SOX6: variants seen among roughly 807,000 people sequenced by gnomAD.
SOX6 encodes SRY-box transcription factor 6.
Under a neutral mutation model 97.8 loss-of-function variants are expected in SOX6, and 11 were observed. The observed-to-expected ratio is 0.11, with a 90% CI of 0.07 to 0.19. SOX6 has a LOEUF of 0.19. SOX6 is among the 10% of genes least tolerant of loss of function. The probability of loss-of-function intolerance (pLI) is 1.00; values close to 1 mark genes in which losing one functional copy is unlikely to be tolerated. For synonymous variants in SOX6, 360 were observed against 371.4 expected (o/e 0.97, Z 0.35); for missense variants, 810 against 1,039.5 (o/e 0.78, Z 3.04).
intron 6 of SOX6, among the ~76,000 whole-genome samples, chr11:16,114,148 A>C (rs1479415593): frequency 1.3e-5 from 2 of 152,200 alleles, no homozygotes; most frequent in South Asian, 2.1e-4. Flanking sequence ...AGCCTTTCCA[A>C]CTTTATAATT....
intron 10 of SOX6, among the ~76,000 whole-genome samples, chr11:16,052,780 C>A (rs935157039): frequency 3.3e-5 from 5 of 152,100 alleles, no homozygotes; most frequent in African/African-American, 1.2e-4. Flanking sequence ...CATTTTTAGG[C>A]AAGGTCAGAA....
At chr11:16,569,794 G>A (rs905326741) in intron 4 of SOX6, among the ~76,000 whole-genome samples, 6 of 149,592 alleles carry the variant, frequency 4.0e-5, no homozygotes, top group Admixed American at 6.7e-5. Context: ...GTGTGAACCC[G>A]GGAGGTGGGG....
At position 15,972,114 on chromosome 11, in the gene SOX6, T is replaced by A. The variant is rs1355118719; in HGVS notation, c.*695A>T. ...AATATCTTGTCTCCAGATTCCTGAGTACCTTACCATTTTCTGGAAAAAAAA... is the reference window on the plus strand; with the variant it reads ...AATATCTTGTCTCCAGATTCCTGAGAACCTTACCATTTTCTGGAAAAAAAA... On this transcript the variant is annotated 3_prime_UTR_variant, in exon 16 of 16. Transcript: ENST00000683767. The A allele has an allele frequency of 6.5e-6, 1 of 152,884 alleles. No homozygotes were observed. The highest frequency in any genetic ancestry group is 2.4e-5 in the African/African-American group (1 of 41,444). The allele number at this position is 152,884 out of a possible 1,614,324, so 9.5% of individuals were successfully genotyped here.
intron 9 of SOX6, among the ~76,000 whole-genome samples, chr11:16,059,765 G>A (rs1039200441): frequency 1.3e-5 from 2 of 151,902 alleles, no homozygotes; most frequent in African/African-American, 4.8e-5. Flanking sequence ...GGCAAAATGA[G>A]GGGGGCATCT....
chr11:16,146,622 C>T (rs1850305581), intron 6 of SOX6, among the ~76,000 whole-genome samples: 1 of 152,054 alleles, frequency 6.6e-6, no homozygotes. Flanking sequence ...GGGCTAATAT[C>T]CAGAATCTAC....
At chr11:16,639,785 C>T (rs1384558063) in intron 3 of SOX6, among the ~76,000 whole-genome samples, 2 of 152,090 alleles carry the variant, frequency 1.3e-5, no homozygotes, top group Non-Finnish European at 2.9e-5. Context: ...GCTGAAGTTG[C>T]TTATCAGCTT....
At chr11:16,538,883 T>C (rs1476651361) in intron 4 of SOX6, among the ~76,000 whole-genome samples, 3 of 152,080 alleles carry the variant, frequency 2.0e-5, no homozygotes, top group Admixed American at 2.0e-4. Flanking sequence ...ATGGGAGACT[T>C]TAACACCCCA....
chr11:16,230,274 T>C (rs1852808615), intron 4 of SOX6, among the ~76,000 whole-genome samples: 1 of 151,040 alleles, frequency 6.6e-6, no homozygotes, highest in Non-Finnish European at 1.5e-5. Flanking sequence ...TACTTCTCTA[T>C]TACTTAATAT....
intron 3 of SOX6, among the ~76,000 whole-genome samples, chr11:16,271,515 T>C (rs1048627508): frequency 1.3e-5 from 2 of 151,466 alleles, no homozygotes; most frequent in South Asian, 4.1e-4. Flanking sequence ...AGTATTTCTG[T>C]GATAACTTTC....
intron 1 of SOX6, among the ~76,000 whole-genome samples, chr11:16,377,484 A>G (rs942043998): frequency 6.6e-6 from 1 of 152,164 alleles, no homozygotes; most frequent in South Asian, 2.1e-4. Flanking sequence ...TCAAATAGAC[A>G]TAGAAACTAC....
chr11:16,591,353 AGATAGAT>A (rs1848150781), intron 4 of SOX6, among the ~76,000 whole-genome samples: 1 of 47,128 alleles, frequency 2.1e-5, no homozygotes, highest in African/African-American at 7.8e-5. Context: ...ATAGATAGAC[AGATAGAT>A]AGATAGATAG....
chr11:16,250,183 A>T (rs1434655478), intron 3 of SOX6, among the ~76,000 whole-genome samples: 4 of 152,134 alleles, frequency 2.6e-5, no homozygotes, highest in Admixed American at 6.6e-5. Flanking sequence ...TGAGAACCTT[A>T]TTGTGAATGG....
intron 4 of SOX6, among the ~76,000 whole-genome samples, chr11:16,601,785 A>C (rs537676345): frequency 6.6e-6 from 1 of 152,262 alleles, no homozygotes; most frequent in South Asian, 2.1e-4. Context: ...TTCCTAAAAA[A>C]GGTCAAATAG....
rs151203801 is a variant in SOX6, at chr11:16,725,241, T to G, written n.354-10336A>C. On this transcript the variant is annotated intron_variant and non_coding_transcript_variant, in intron 2 of 5. Transcript: ENST00000524520. ...AAGTGAACCTTAAAAACATGCCAAG[T>G]GGCTGGGCGCAGTGGCTGATGCCCA... 3.8e-4 allele frequency among the ~76,000 whole-genome samples: 58 copies of G among 152,314 alleles called. No individual in the cohort carries two copies. In the East Asian group the frequency reaches 0.01, roughly 27 times the overall value.
chr11:16,240,315 T>TGTGTGG (rs1048756319), intron 3 of SOX6, among the ~76,000 whole-genome samples: 3 of 146,952 alleles, frequency 2.0e-5, no homozygotes, highest in African/African-American at 7.5e-5. Flanking sequence ...TGTGTGTGTG[T>TGTGTGG]GGCAGTGGAA....
At chr11:16,074,652 C>T (rs1848307686) in intron 9 of SOX6, among the ~76,000 whole-genome samples, 1 of 152,048 alleles carries the variant, frequency 6.6e-6, no homozygotes, top group East Asian at 1.9e-4. Context: ...TACAACTAAC[C>T]AGGGAGGGGG....
chr11:16,338,885 C>A (rs1856545198), intron 2 of SOX6, among the ~76,000 whole-genome samples: 1 of 151,690 alleles, frequency 6.6e-6, no homozygotes, highest in Non-Finnish European at 1.5e-5. Context: ...AATAACCCAC[C>A]AAAGTAACTT....
At chr11:16,653,422 C>G (rs1173358396) in intron 3 of SOX6, among the ~76,000 whole-genome samples, 1 of 152,084 alleles carries the variant, frequency 6.6e-6, no homozygotes, top group Non-Finnish European at 1.5e-5. Flanking sequence ...AAATATACAC[C>G]ATGGAATAAC....
At chr11:16,064,422 C>T (rs1303237624) in intron 9 of SOX6, among the ~76,000 whole-genome samples, 11 of 146,200 alleles carry the variant, frequency 7.5e-5, no homozygotes, top group Non-Finnish European at 1.6e-4. Flanking sequence ...CAGAATCCAC[C>T]CCGGAAAGAA....
Sources: allele counts gnomAD v4.1 joint callset (sites outside exome capture counted in the v4.1 genomes callset), GRCh38; gene constraint gnomAD v4.1.1; transcripts MANE v1.5; gene names NCBI Gene and HGNC (gene_info 2026-07-23, HGNC 2026-07-21).